Variants in KIF27 observed in about 807,000 individuals in gnomAD.
KIF27 encodes kinesin family member 27, also known as kinesin-like protein KIF27.
KIF27 carries 84 observed loss-of-function variants against 141.8 expected under a neutral mutation model. That is an observed-to-expected ratio of 0.59 (90% CI 0.50 to 0.71). The LOEUF is 0.71. Ranked by LOEUF, KIF27 falls within the 30% of genes least tolerant of loss-of-function variation. The pLI, the probability that KIF27 is intolerant of heterozygous loss-of-function variation, is 0.00. For synonymous variants in KIF27, 471 were observed against 569.5 expected (o/e 0.83, Z 2.46); for missense variants, 1,306 against 1,628.4 (o/e 0.80, Z 3.41).
chr9:83,848,301 A>ATATATATGATATATCATATATGC (rs1947992534), intron 16 of KIF27, among the ~76,000 whole-genome samples: 1 of 112,554 alleles, frequency 8.9e-6, no homozygotes, highest in East Asian at 2.5e-4. Flanking sequence ...ATCAGATATG[A>ATATATATGATATATCATATATGC]TATATATGAT....
chr9:83,920,595 T>C (rs766798717), intron 1 of KIF27, among the ~76,000 whole-genome samples: 6 of 152,086 alleles, frequency 3.9e-5, no homozygotes, highest in Non-Finnish European at 8.8e-5. Flanking sequence ...CATAAAAAAC[T>C]TGCCAGTAGA....
intron 16 of KIF27, among the ~76,000 whole-genome samples, chr9:83,843,595 A>G (rs1946842295): frequency 6.6e-6 from 1 of 152,272 alleles, no homozygotes; most frequent in South Asian, 2.1e-4. Flanking sequence ...TAATGAGATC[A>G]TAAATCAGAA....
intron 12 of KIF27, 62 bp from the exon 13 acceptor site, chr9:83,867,922 A>G (rs1363185309): frequency 4.1e-6 from 6 of 1,448,434 alleles, no homozygotes; most frequent in Non-Finnish European, 5.5e-6. Context: ...TTATATGGTA[A>G]TAATAGAATT....
At chr9:83,857,208 T>G (rs1039490975) in intron 14 of KIF27, among the ~76,000 whole-genome samples, 6 of 152,232 alleles carry the variant, frequency 3.9e-5, no homozygotes, top group Non-Finnish European at 8.8e-5. Flanking sequence ...TATTTTAATT[T>G]ACTGTGGAAA....
chr9:83,871,105 G>A (rs1208086850), intron 11 of KIF27, among the ~76,000 whole-genome samples: 3 of 151,748 alleles, frequency 2.0e-5, no homozygotes, highest in Non-Finnish European at 2.9e-5. Context: ...TTGTAGAGAT[G>A]GGGTCTTGTT....
Position 83,903,540 on chromosome 9 carries a change from AT to A in KIF27, c.977del (p.Asp326ValfsTer4). The A allele has an allele frequency of 6.2e-7, 1 of 1,614,122 alleles. No homozygotes were observed. The highest frequency in any genetic ancestry group is 8.5e-7 in the Non-Finnish European group (1 of 1,179,974). On this transcript the variant is annotated frameshift_variant, in exon 4 of 18. Transcript: ENST00000297814. LOFTEE classifies it high-confidence loss of function. ...CATATTTGAGAGAATTTAAGGACTCATCAAAATTCGAGGAGGAGGGGCTGAC... is the reference window on the plus strand; with the variant it reads ...CATATTTGAGAGAATTTAAGGACTCACAAAATTCGAGGAGGAGGGGCTGAC... ...TCVSPSSSNFDESLNSLKYAN... is the reference protein window; with the variant it reads ...TCVSPSSSNFXESLNSLKYAN...
At chr9:83,864,359 T>C (rs1178356913) in intron 13 of KIF27, among the ~76,000 whole-genome samples, 1 of 152,234 alleles carries the variant, frequency 6.6e-6, no homozygotes, top group East Asian at 1.9e-4. Flanking sequence ...GTCCCAGAGA[T>C]TCTGGTATGT....
At chr9:83,909,605 C>G (rs1305365695) in intron 2 of KIF27, among the ~76,000 whole-genome samples, 1 of 126,894 alleles carries the variant, frequency 7.9e-6, no homozygotes, top group Non-Finnish European at 1.6e-5. Flanking sequence ...CAGAGGGAAA[C>G]TGTCTCAAAA....
At chr9:83,846,754 G>C (rs1428650273) in intron 16 of KIF27, among the ~76,000 whole-genome samples, 1 of 152,122 alleles carries the variant, frequency 6.6e-6, no homozygotes, top group African/African-American at 2.4e-5. Context: ...ATTATGTTCT[G>C]CTGGCCTAGA....
chr9:83,865,572 C>T (rs2131972037), intron 13 of KIF27, among the ~76,000 whole-genome samples: 1 of 152,286 alleles, frequency 6.6e-6, no homozygotes, highest in East Asian at 1.9e-4. Flanking sequence ...GCTGGGATTA[C>T]AGGTGTGAGC....
chr9:83,896,328 T>C (rs1953248884), intron 5 of KIF27, among the ~76,000 whole-genome samples: 1 of 152,206 alleles, frequency 6.6e-6, no homozygotes, highest in Admixed American at 6.5e-5. Context: ...CCCCACTTGA[T>C]GGTAACTGTA....
At chr9:83,848,114 C>A (rs28844121) in intron 16 of KIF27, among the ~76,000 whole-genome samples, 1,496 of 31,802 alleles carry the variant, frequency 0.047, 469 homozygotes, top group Non-Finnish European at 0.064. Flanking sequence ...TATCTCATAT[C>A]TGATATATCT....
chr9:83,894,527 G>A (rs1588209992), intron 5 of KIF27, among the ~76,000 whole-genome samples: 2 of 152,294 alleles, frequency 1.3e-5, no homozygotes, highest in East Asian at 3.9e-4. Flanking sequence ...CTGTACACCT[G>A]CTTTCCTTGT....
intron 11 of KIF27, among the ~76,000 whole-genome samples, chr9:83,875,052 C>T (rs533119104): frequency 6.6e-6 from 1 of 151,606 alleles, no homozygotes; most frequent in African/African-American, 2.4e-5. Context: ...TTTCCCTAAG[C>T]ATGGATTTAG....
At chr9:83,866,957 C>T (rs951606865) in intron 13 of KIF27, among the ~76,000 whole-genome samples, 2 of 149,320 alleles carry the variant, frequency 1.3e-5, no homozygotes, top group African/African-American at 2.4e-5. Context: ...CACCCCCCCC[C>T]CAAAAAAAGA....
intron 16 of KIF27, among the ~76,000 whole-genome samples, chr9:83,846,096 C>T (rs1020054128): frequency 3.9e-5 from 6 of 152,040 alleles, no homozygotes; most frequent in African/African-American, 1.5e-4. Flanking sequence ...CAAGGCTGAC[C>T]TGGCTACGGC....
chr9:83,915,306 C>T lies in KIF27; in HGVS notation c.286G>A (p.Gly96Arg). ...TGSGKTYTIGGGHIASVVEGQ... is the reference protein window; with the variant it reads ...TGSGKTYTIGRGHIASVVEGQ... ...ATAAGAATCTTACCAATATGGCCCC[C>T]TCCAATGGTGTATGTCTTCCCAGAT... Residue 96 changes from glycine to arginine, a missense_variant, in exon 2 of 18, where the codon GGG becomes AGG. Around this residue, in one of 4 missense-constraint regions of KIF27, gnomAD observed 533 missense variants for 565.6 expected, o/e 0.94. Transcript: ENST00000297814. 1.2e-6 allele frequency: 2 copies of T among 1,606,272 alleles called. No individual in the cohort carries two copies. The highest frequency in any genetic ancestry group is 1.7e-6 in the Non-Finnish European group (2 of 1,176,104).
chr9:83,853,257 G>T (rs1587989384), intron 15 of KIF27, among the ~76,000 whole-genome samples: 4 of 152,022 alleles, frequency 2.6e-5, no homozygotes, highest in South Asian at 2.1e-4. Context: ...TGAAGGAAAG[G>T]GAATCAAAAC....
At chr9:83,883,314 A>G (rs757844108) in intron 10 of KIF27, among the ~76,000 whole-genome samples, 10 of 152,204 alleles carry the variant, frequency 6.6e-5, no homozygotes, top group Non-Finnish European at 1.5e-4. Flanking sequence ...TTTCTCATAG[A>G]ATAGAATTTT....
Sources: allele counts gnomAD v4.1 joint callset (sites outside exome capture counted in the v4.1 genomes callset), GRCh38; gene constraint gnomAD v4.1.1; regional missense constraint gnomAD v4.1.1; transcripts MANE v1.5; gene names NCBI Gene and HGNC (gene_info 2026-07-23, HGNC 2026-07-21).